Variants in CDK14 observed in about 807,000 individuals in gnomAD.
CDK14 encodes the protein cyclin-dependent kinase 14.
Under a neutral mutation model 60.7 loss-of-function variants are expected in CDK14, and 34 were observed. The ratio of observed to expected loss-of-function variants is 0.56; its 90% CI spans 0.43 to 0.75. The LOEUF (loss-of-function observed/expected upper bound fraction) is 0.75, where lower values mean the gene tolerates loss of function less well. Ranked by LOEUF, CDK14 falls within the 30% of genes least tolerant of loss-of-function variation. The pLI is 0.00. For missense variants in CDK14, 482 were observed against 564.1 expected (o/e 0.85, Z 1.47); for synonymous variants, 197 against 203.7 (o/e 0.97, Z 0.28).
chr7:91,194,216 C>A (rs760186950), intron 14 of CDK14, among the ~76,000 whole-genome samples: 6 of 152,104 alleles, frequency 3.9e-5, no homozygotes, highest in Non-Finnish European at 7.4e-5. Flanking sequence ...TATTTTATAT[C>A]GTGTTTGGAC....
chr7:90,781,327 G>A (rs896227299), intron 4 of CDK14, among the ~76,000 whole-genome samples: 58 of 152,104 alleles, frequency 3.8e-4, no homozygotes, highest in African/African-American at 1.4e-3. Context: ...CCCTTTGTCA[G>A]ATGAGTAGGT....
At chr7:91,050,539 C>A (rs1376335159) in intron 11 of CDK14, among the ~76,000 whole-genome samples, 1 of 152,170 alleles carries the variant, frequency 6.6e-6, no homozygotes, top group African/African-American at 2.4e-5. Context: ...TCTGTGCTTA[C>A]ACAAAACTTA....
intron 5 of CDK14, among the ~76,000 whole-genome samples, chr7:90,842,278 T>C (rs992822566): frequency 2.6e-5 from 4 of 152,154 alleles, no homozygotes; most frequent in East Asian, 1.9e-4. Flanking sequence ...AATTTCACTT[T>C]CTTTGTTCCT....
At chr7:91,030,647 T>C (rs1796735503) in intron 10 of CDK14, among the ~76,000 whole-genome samples, 2 of 152,240 alleles carry the variant, frequency 1.3e-5, no homozygotes, top group African/African-American at 4.8e-5. Flanking sequence ...TGTCACCTGG[T>C]AGAGGCACCC....
At chr7:90,681,694 T>G (rs1481023281) in intron 2 of CDK14, among the ~76,000 whole-genome samples, 4 of 152,134 alleles carry the variant, frequency 2.6e-5, no homozygotes, top group Non-Finnish European at 5.9e-5. Flanking sequence ...GTTACTAAAC[T>G]TTTTTATTGA....
At chr7:90,772,689 T>C (rs753268988) in intron 4 of CDK14, among the ~76,000 whole-genome samples, 29 of 152,318 alleles carry the variant, frequency 1.9e-4, no homozygotes, top group Non-Finnish European at 3.2e-4. Context: ...CCGTGTTTCC[T>C]GAACAGCCTG....
chr7:91,044,581 G>A (rs1007598343), intron 10 of CDK14, among the ~76,000 whole-genome samples: 1 of 152,148 alleles, frequency 6.6e-6, no homozygotes, highest in African/African-American at 2.4e-5. Flanking sequence ...TCCCCATCAT[G>A]GCCTGAGCTG....
At chr7:91,192,975 G>A (rs559212121) in intron 14 of CDK14, among the ~76,000 whole-genome samples, 2 of 152,268 alleles carry the variant, frequency 1.3e-5, no homozygotes, top group Non-Finnish European at 2.9e-5. Flanking sequence ...CATAGACTGA[G>A]TGAGTTATTT....
chr7:91,023,709 G>A (rs141252530), intron 10 of CDK14, among the ~76,000 whole-genome samples: 163 of 152,244 alleles, frequency 1.1e-3, no homozygotes, highest in African/African-American at 3.7e-3. Flanking sequence ...GGAAACAGGT[G>A]TTATCATTAT....
chr7:90,650,205 A>G (rs925984409), intron 2 of CDK14, among the ~76,000 whole-genome samples: 6 of 152,162 alleles, frequency 3.9e-5, no homozygotes, highest in African/African-American at 7.2e-5. Context: ...TTCTCTGATG[A>G]CCAGTGATGA....
intron 4 of CDK14, among the ~76,000 whole-genome samples, chr7:90,784,304 A>C (rs766486632): frequency 6.6e-6 from 1 of 152,180 alleles, no homozygotes; most frequent in Non-Finnish European, 1.5e-5. Flanking sequence ...GGGGTTGATT[A>C]ATAGGCACAA....
At chr7:90,955,562 A>G in intron 8 of CDK14, 135 bp from the exon 9 acceptor site, 1 of 871,962 alleles carries the variant, frequency 1.1e-6, no homozygotes, top group South Asian at 1.7e-5. Flanking sequence ...CCAGTTTTCT[A>G]TTAACCTTGA....
chr7:90,918,510 C>A (rs1793151357), intron 8 of CDK14, among the ~76,000 whole-genome samples: 1 of 152,238 alleles, frequency 6.6e-6, no homozygotes, highest in Non-Finnish European at 1.5e-5. Context: ...GTTGACGTTT[C>A]TGCATTGCCC....
intron 9 of CDK14, among the ~76,000 whole-genome samples, chr7:90,961,493 A>C (rs924153188): frequency 6.6e-6 from 1 of 152,212 alleles, no homozygotes; most frequent in Non-Finnish European, 1.5e-5. Flanking sequence ...GAATGAGTTC[A>C]TTTTAAACCA....
chr7:91,178,925 A>T (rs1316673736), intron 14 of CDK14, among the ~76,000 whole-genome samples: 1 of 152,158 alleles, frequency 6.6e-6, no homozygotes, highest in African/African-American at 2.4e-5. Context: ...CTAGAACTAG[A>T]AATACCATTT....
At chr7:90,762,566 G>T (rs2116864430) in intron 4 of CDK14, among the ~76,000 whole-genome samples, 1 of 152,258 alleles carries the variant, frequency 6.6e-6, no homozygotes, top group Non-Finnish European at 1.5e-5. Context: ...AAAAGACAGA[G>T]ATTGTCAGGG....
At position 90,875,480 on chromosome 7, in the gene CDK14, TA is replaced by T. The variant is rs567374604; in HGVS notation, c.639+12212del. ...ATTTTACAATCCAACCAGCAGTGTA[TA>T]GGGGTGCCAATTTTATTTACACTTG... On this transcript the variant is annotated intron_variant, in intron 6 of 14. Coordinates refer to ENST00000380050, the MANE Select transcript of CDK14 (RefSeq NM_001287135.2). Among the ~76,000 whole-genome samples the T allele has an allele frequency of 3.1e-3, 473 of 152,306 alleles. 1 individual carries two copies. Among genetic ancestry groups the T allele is most frequent in the Non-Finnish European group, 5.2e-3 (356 of 68,026 alleles).
chr7:90,721,874 C>T (rs1252211504), intron 2 of CDK14, among the ~76,000 whole-genome samples: 3 of 152,082 alleles, frequency 2.0e-5, no homozygotes, highest in African/African-American at 7.2e-5. Flanking sequence ...TGACCATAAG[C>T]ATTTTGCTGT....
At chr7:90,834,948 C>T (rs1790040509) in intron 5 of CDK14, among the ~76,000 whole-genome samples, 1 of 152,044 alleles carries the variant, frequency 6.6e-6, no homozygotes, top group Non-Finnish European at 1.5e-5. Context: ...AACAGATGGT[C>T]TTTAAAACCA....
Sources: allele counts gnomAD v4.1 joint callset (sites outside exome capture counted in the v4.1 genomes callset), GRCh38; gene constraint gnomAD v4.1.1; transcripts MANE v1.5; gene names NCBI Gene and HGNC (gene_info 2026-07-23, HGNC 2026-07-21).